Variants in ENTPD6 observed in about 807,000 individuals in gnomAD.
The protein encoded by ENTPD6 is CD39 antigen-like 2.
In ENTPD6, 46 loss-of-function variants were observed where a neutral mutation model predicts 61.5. The ratio of observed to expected loss-of-function variants is 0.75; its 90% CI spans 0.59 to 0.96. The LOEUF is 0.96. Ranked by LOEUF, ENTPD6 falls within the 40% of genes least tolerant of loss-of-function variation. The pLI is 0.00. For synonymous variants in ENTPD6, 252 were observed against 255.5 expected, an observed-to-expected ratio of 0.99 and a Z score of 0.13; for missense variants, 612 against 629.0, an observed-to-expected ratio of 0.97 and a Z score of 0.29.
intron 8 of ENTPD6, among the ~76,000 whole-genome samples, chr20:25,217,213 T>C (rs2092364816): frequency 6.6e-6 from 1 of 152,134 alleles, no homozygotes; most frequent in Non-Finnish European, 1.5e-5. Flanking sequence ...CCTCCTGTTA[T>C]GGGTAGTTTT....
rs1302113100 is a variant in ENTPD6, at chr20:25,210,344, GA to G, written c.453+430del. On this transcript the variant is annotated intron_variant, in intron 4 of 14. Transcript: ENST00000376652. ...TGATCGAAGATAGCAAACATTGACT[GA>G]AAAAAAAAAATTAGTGTTGGCCAGG... Among the ~76,000 whole-genome samples, 70 of 149,506 alleles carry G rather than the reference GA, an allele frequency of 4.7e-4. 2 individuals are homozygous for G. The East Asian group carries it at 9.2e-3, about 20-fold the overall frequency.
At chr20:25,204,765 C>T (rs562955403) in intron 1 of ENTPD6, among the ~76,000 whole-genome samples, 1 of 152,164 alleles carries the variant, frequency 6.6e-6, no homozygotes, top group East Asian at 1.9e-4. Context: ...AATTGGGAAC[C>T]GGGCTGCCGC....
chr20:25,219,567 A>G lies in ENTPD6; in HGVS notation c.943+953A>G, dbSNP rs141310180. On this transcript the variant is annotated intron_variant, in intron 10 of 14. Coordinates refer to ENST00000376652, the MANE Select transcript of ENTPD6 (RefSeq NM_001247.5). ...ACTCTTAGGAGATCTCAGGATTGCCATGGTCTGCTTCAGGGGCTGGGGCAC... is the reference window on the plus strand; with the variant it reads ...ACTCTTAGGAGATCTCAGGATTGCCGTGGTCTGCTTCAGGGGCTGGGGCAC... Among the ~76,000 whole-genome samples the G allele has an allele frequency of 1.4e-3, 206 of 152,312 alleles. 1 individual carries two copies. The highest frequency in any genetic ancestry group is 4.7e-3 in the African/African-American group (194 of 41,586).
chr20:25,225,944 T>C lies in ENTPD6; in HGVS notation c.*347T>C. On this transcript the variant is annotated 3_prime_UTR_variant, in exon 15 of 15. Coordinates refer to ENST00000376652, the MANE Select transcript of ENTPD6 (RefSeq NM_001247.5). ...GTCCGCGGGGCTGTGGCTGCTGCTG[T>C]GCATGTCCCTGCGATGGGAGTCTTG... The C allele has an allele frequency of 5.2e-6, 1 of 191,194 alleles. No individual in the cohort carries two copies. Among genetic ancestry groups the C allele is most frequent in the Non-Finnish European group, 1.1e-5 (1 of 93,590 alleles). 11.8% of individuals were successfully genotyped at this position (191,194 alleles called of 1,614,324 possible). A position where few individuals can be genotyped will look rare whatever the true frequency, so the allele number is the denominator to read the frequency against.
intron 7 of ENTPD6, among the ~76,000 whole-genome samples, 183 bp downstream of exon 7, chr20:25,215,894 G>A (rs1054664218): frequency 3.3e-5 from 5 of 152,242 alleles, no homozygotes; most frequent in Non-Finnish European, 5.9e-5. Context: ...TCTCACAGGT[G>A]TAGATGCTAG....
intron 4 of ENTPD6, among the ~76,000 whole-genome samples, chr20:25,212,563 T>C (rs66653710): frequency 0.28 from 42,162 of 152,096 alleles, 6,629 homozygotes; most frequent in East Asian, 0.61. Flanking sequence ...AAAATATTTA[T>C]AGAAGCAAAG....
At chr20:25,219,741 G>A (rs540087288) in intron 10 of ENTPD6, among the ~76,000 whole-genome samples, 9 of 152,170 alleles carry the variant, frequency 5.9e-5, no homozygotes, top group African/African-American at 1.9e-4. Context: ...AGCCCCCAGC[G>A]CCCCATTGGC....
chr20:25,215,361 T>TGCA (rs1390861417), intron 6 of ENTPD6, among the ~76,000 whole-genome samples: 2 of 152,148 alleles, frequency 1.3e-5, no homozygotes, highest in Non-Finnish European at 2.9e-5. Context: ...TGAGTGTGTA[T>TGCA]GGAGGAGGAA....
chr20:25,221,681 G>A (rs372649542), intron 11 of ENTPD6: 77 of 377,080 alleles, frequency 2.0e-4, no homozygotes, highest in African/African-American at 1.5e-3. Context: ...GCTGTGCTGG[G>A]CGGGAATAGA....
At position 25,221,274 on chromosome 20, in the gene ENTPD6, G is replaced by A; in HGVS notation, c.986G>A (p.Ser329Asn). ...TTGGTCAGCCCTTGCTTGTCTCCCA[G>A]TTTCAAAGGAGAGTGGGAACACGCA... The part of the protein sequence containing the change: ...KELVSPCLSP[S>N]FKGEWEHAEV... Residue 329 changes from serine to asparagine, a missense_variant, in exon 11 of 15, where the codon AGT becomes AAT. Physicochemically the swap from Ser to Asn is conservative, Grantham distance 46 (BLOSUM62 1). Transcript: ENST00000376652. The A allele has an allele frequency of 6.2e-7, 1 of 1,614,160 alleles. No homozygotes were observed. Among genetic ancestry groups the A allele is most frequent in the Non-Finnish European group, 8.5e-7 (1 of 1,179,990 alleles).
chr20:25,218,702 G>T (rs1180520790), intron 10 of ENTPD6, 88 bp downstream of exon 10: 3 of 1,346,856 alleles, frequency 2.2e-6, no homozygotes, highest in Admixed American at 2.1e-5. Context: ...GAGGGCACCA[G>T]CTTGGCCCTG....
intron 1 of ENTPD6, among the ~76,000 whole-genome samples, chr20:25,200,253 G>A (rs1343690815): frequency 1.3e-5 from 2 of 152,132 alleles, no homozygotes; most frequent in Non-Finnish European, 2.9e-5. Flanking sequence ...CTTTTTATCT[G>A]TTATTTTTTA....
In ENTPD6 at chr20:25,222,970, G is replaced by A. The variant is rs2123338494; in HGVS notation, c.1178G>A (p.Gly393Asp). 1.9e-6 allele frequency: 3 copies of A among 1,607,052 alleles called. No individual in the cohort carries two copies. The highest frequency in any genetic ancestry group is 2.3e-5 in the East Asian group (1 of 44,374). ...SYYYDLAAGV[G>D]LIDAEKGGSL... ...TATTACGACCTTGCAGCTGGTGTGG[G>A]CCTCATAGGTAAGGGGGCCCGGATG... Residue 393 changes from glycine (G) to aspartate (D), a missense_variant, in exon 12 of 15, where the codon GGC (glycine) becomes GAC (aspartate). Gly to Asp is a moderately conservative substitution (Grantham distance 94). Coordinates refer to ENST00000376652, the MANE Select transcript of ENTPD6 (RefSeq NM_001247.5).
At chr20:25,207,808 G>A (rs1018446258) in intron 3 of ENTPD6, among the ~76,000 whole-genome samples, 5 of 152,224 alleles carry the variant, frequency 3.3e-5, no homozygotes, top group Non-Finnish European at 4.4e-5. Flanking sequence ...GGGCTTGACC[G>A]GGAGCTGCCA....
At position 25,215,663 on chromosome 20, in the gene ENTPD6, C is replaced by T; in HGVS notation, c.674-13C>T. On this transcript the variant is annotated splice_polypyrimidine_tract_variant and intron_variant, in intron 6 of 14. Coordinates refer to ENST00000376652, the MANE Select transcript of ENTPD6 (RefSeq NM_001247.5). Reference sequence around the variant, plus strand: ...CAAGTGATTAAAATAATGCCTGTGACACTCTCTTGCAGGCGTTTCGGCGTG... The same window carrying T: ...CAAGTGATTAAAATAATGCCTGTGATACTCTCTTGCAGGCGTTTCGGCGTG... 1.2e-6 allele frequency: 2 copies of T among 1,614,008 alleles called. No individual in the cohort carries two copies. The highest frequency in any genetic ancestry group is 1.7e-6 in the Non-Finnish European group (2 of 1,179,856).
In ENTPD6 at chr20:25,214,402, C is replaced by T. The variant is rs147462725; in HGVS notation, c.598-465C>T. On this transcript the variant is annotated intron_variant, in intron 5 of 14. Coordinates refer to ENST00000376652, the MANE Select transcript of ENTPD6 (RefSeq NM_001247.5). The stretch of plus-strand genomic sequence containing the variant: ...GTGGCCGTCTGCCTTAGAGGGCTTC[C>T]GGCTCCTTTATCTCACATCCCAAAG... 1.8e-3 allele frequency among the ~76,000 whole-genome samples: 272 copies of T among 152,340 alleles called. 1 individual carries two copies. The highest frequency in any genetic ancestry group is 5.9e-3 in the African/African-American group (247 of 41,572).
Position 25,221,258 on chromosome 20 carries a change from C to A in ENTPD6, c.970C>A (p.Pro324Thr). 6.2e-7 allele frequency: 1 copy of A among 1,614,014 alleles called. No homozygotes were observed. Among genetic ancestry groups the A allele is most frequent in the Non-Finnish European group, 8.5e-7 (1 of 1,179,940 alleles). The change falls in exon 11 of 15, where the codon CCT becomes ACT. Residue 324 changes from proline (P) to threonine (T), a missense_variant. By Grantham distance (38) the Pro-to-Thr change is conservative (BLOSUM62 -1). Transcript: ENST00000376652. ...PAKDGKELVS[P>T]CLSPSFKGEW... ...TAAGGATGGAAAGGAGTTGGTCAGC[C>A]CTTGCTTGTCTCCCAGTTTCAAAGG...
In ENTPD6 at chr20:25,227,080, A is replaced by G. The variant is rs1481576813; in HGVS notation, c.*1483A>G. 1.3e-5 allele frequency among the ~76,000 whole-genome samples: 2 copies of G among 152,244 alleles called. No individual in the cohort carries two copies. Among genetic ancestry groups the G allele is most frequent in the Non-Finnish European group, 2.9e-5 (2 of 68,046 alleles). ...TCTGGAAGCGTCCCAAAGGTGTCGCATGCCAGGGAAACTGCAGACCAGCCC... is the reference window on the plus strand; with the variant it reads ...TCTGGAAGCGTCCCAAAGGTGTCGCGTGCCAGGGAAACTGCAGACCAGCCC... On this transcript the variant is annotated 3_prime_UTR_variant, in exon 15 of 15. Transcript: ENST00000376652.
intron 1 of ENTPD6, 177 bp downstream of exon 1, chr20:25,196,044 C>A: frequency 1.2e-6 from 1 of 860,630 alleles, no homozygotes; most frequent in Non-Finnish European, 1.5e-6. Flanking sequence ...GATGTCTGGG[C>A]TCCGCTGACC....
Sources: gnomAD v4.1 joint callset for allele counts (sites outside exome capture counted in the v4.1 genomes callset) on GRCh38, gnomAD v4.1.1 for gene constraint, MANE v1.5 for transcripts, NCBI Gene and HGNC (gene_info 2026-07-23, HGNC 2026-07-21) for gene names.